Variants in CBR4 observed in about 807,000 individuals in gnomAD.
CBR4 encodes 3-oxoacyl-[acyl-carrier-protein] reductase.
CBR4 carries 22 observed loss-of-function variants against 21.0 expected under a neutral mutation model. The observed-to-expected ratio is 1.05, with a 90% confidence interval of 0.75 to 1.50. CBR4 has a LOEUF of 1.50. CBR4 is among the 40% of genes most tolerant of loss of function. The probability of loss-of-function intolerance (pLI) is 0.00; values close to 1 mark genes in which losing one functional copy is unlikely to be tolerated. For missense variants in CBR4, 302 were observed against 286.3 expected, an observed-to-expected ratio of 1.05 and a Z score of -0.40; for synonymous variants, 100 against 104.4, an observed-to-expected ratio of 0.96 and a Z score of 0.26.
intron 2 of CBR4, among the ~76,000 whole-genome samples, chr4:168,916,684 C>T (rs370469483): frequency 1.1e-4 from 15 of 136,458 alleles, no homozygotes; most frequent in South Asian, 2.3e-4. Context: ...TTTTCTAATT[C>T]TTTTTTTTTT....
intron 2 of CBR4, among the ~76,000 whole-genome samples, chr4:168,932,220 A>G (rs2126656526): frequency 6.6e-6 from 1 of 152,148 alleles, no homozygotes; most frequent in South Asian, 2.1e-4. Flanking sequence ...CATGATTTGA[A>G]TGAGAAATTC....
At chr4:168,904,114 C>T (rs1757122235) in intron 2 of CBR4, 1 of 573,640 alleles carries the variant, frequency 1.7e-6, no homozygotes, top group South Asian at 2.0e-5. Context: ...TGTTATTCTA[C>T]TCCTTCCACA....
intron 2 of CBR4, among the ~76,000 whole-genome samples, chr4:168,919,616 A>G (rs1252868284): frequency 1.3e-5 from 2 of 152,042 alleles, no homozygotes; most frequent in African/African-American, 2.4e-5. Flanking sequence ...AGGGGAAAAA[A>G]TCCTGACGAT....
intron 2 of CBR4, among the ~76,000 whole-genome samples, chr4:168,901,291 C>T (rs1411883937): frequency 6.6e-6 from 1 of 152,070 alleles, no homozygotes; most frequent in Non-Finnish European, 1.5e-5. Context: ...TTATTCCTCC[C>T]TTGACATGCT....
At chr4:169,000,873 G>C (rs1253373476) in intron 4 of CBR4, among the ~76,000 whole-genome samples, 1 of 152,062 alleles carries the variant, frequency 6.6e-6, no homozygotes, top group Non-Finnish European at 1.5e-5. Context: ...GTAAAAATTA[G>C]GAAAATGGGA....
At position 169,006,748 on chromosome 4, in the gene CBR4, G is replaced by A. The variant is rs1160271879; in HGVS notation, c.400+7C>T. The A allele has an allele frequency of 6.2e-7, 1 of 1,610,200 alleles. No individual in the cohort carries two copies. Among genetic ancestry groups the A allele is most frequent in the South Asian group, 1.1e-5 (1 of 90,848 alleles). ...ATAATCATAAATTCACAAAGGTGAAGACTCACCTACATTAACAATAGACCC... is the reference window on the plus strand; with the variant it reads ...ATAATCATAAATTCACAAAGGTGAAAACTCACCTACATTAACAATAGACCC... On this transcript the variant is annotated splice_region_variant and intron_variant, in intron 3 of 4. Transcript: ENST00000306193.
chr4:168,922,969 G>A (rs1761879606), intron 2 of CBR4, among the ~76,000 whole-genome samples: 1 of 152,164 alleles, frequency 6.6e-6, no homozygotes, highest in Admixed American at 6.6e-5. Flanking sequence ...AGCTATCTCT[G>A]CGACTTAGTT....
chr4:168,913,871 G>A, intron 2 of CBR4: 1 of 1,125,194 alleles, frequency 8.9e-7, no homozygotes, highest in South Asian at 1.2e-5. Flanking sequence ...GCATGATAGT[G>A]CTTAGTGGTT....
chr4:168,970,822 T>TA (rs1764183567), intron 2 of CBR4, among the ~76,000 whole-genome samples: 1 of 137,888 alleles, frequency 7.3e-6, no homozygotes, highest in African/African-American at 2.6e-5. Flanking sequence ...TATGGCTGAG[T>TA]AGTAGTCCAT....
intron 2 of CBR4, among the ~76,000 whole-genome samples, chr4:168,961,175 C>T (rs1763840609): frequency 6.6e-6 from 1 of 152,176 alleles, no homozygotes; most frequent in South Asian, 2.1e-4. Context: ...CTGGCACTAA[C>T]TCTGAGACAT....
intron 1 of CBR4, among the ~76,000 whole-genome samples, chr4:169,008,759 G>A (rs2126881409): frequency 6.6e-6 from 1 of 152,230 alleles, no homozygotes; most frequent in East Asian, 1.9e-4. Context: ...GACACAGTAA[G>A]GGTCACCACT....
chr4:169,002,024 TA>T, intron 4 of CBR4, 46 bp downstream of exon 4: 2 of 1,449,024 alleles, frequency 1.4e-6, no homozygotes, highest in Non-Finnish European at 1.9e-6. Flanking sequence ...GGCTTCCCTA[TA>T]AAACAATAAT....
chr4:168,990,337 G>A lies in CBR4; in HGVS notation c.536-9C>T, dbSNP rs1764852479. 1.9e-6 allele frequency: 3 copies of A among 1,576,014 alleles called. No individual in the cohort carries two copies. The East Asian group carries it at 7.0e-5, about 37-fold the overall frequency. ...ATCTGTGTGTACAAATCCTAAAAGA[G>A]AAATGTTTGTTTAGTTGAAAAGGGT... On this transcript the variant is annotated splice_polypyrimidine_tract_variant and intron_variant, in intron 4 of 4. Coordinates refer to ENST00000306193, the MANE Select transcript of CBR4 (RefSeq NM_032783.5).
At position 168,988,794 on chromosome 4, in the gene CBR4, C is replaced by T; in HGVS notation, c.*1356G>A. 1.0e-6 allele frequency: 1 copy of T among 954,472 alleles called. No homozygotes were observed. The highest frequency in any genetic ancestry group is 1.2e-6 in the Non-Finnish European group (1 of 801,806). 59.1% of individuals were successfully genotyped at this position (954,472 alleles called of 1,614,324 possible). A position where few individuals can be genotyped will look rare whatever the true frequency, so the allele number is the denominator to read the frequency against. On this transcript the variant is annotated 3_prime_UTR_variant, in exon 5 of 5. Transcript: ENST00000306193. ...AATTTAAAATAATTTTTAAGGAACC[C>T]AGAATTTTTATTTAGAACACTGCTT...
At chr4:169,009,156 G>A (rs1731175247) in intron 1 of CBR4, 3 of 416,576 alleles carry the variant, frequency 7.2e-6, no homozygotes, top group Admixed American at 6.4e-5. Context: ...GATAGTAAAT[G>A]AAGTATAATT....
intron 2 of CBR4, among the ~76,000 whole-genome samples, chr4:168,975,250 T>C (rs189897201): frequency 6.6e-6 from 1 of 152,352 alleles, no homozygotes; most frequent in Admixed American, 6.5e-5. Flanking sequence ...AGTACTGTGA[T>C]GTGATCCACC....
rs1042551513 is a variant in CBR4, at chr4:168,990,057, T to C, written c.*93A>G. ...CATTTGTAGCATCAGCAGGTTTGATTAGCACATGTTACCCATGTAGGTATA... is the reference window on the plus strand; with the variant it reads ...CATTTGTAGCATCAGCAGGTTTGATCAGCACATGTTACCCATGTAGGTATA... On this transcript the variant is annotated 3_prime_UTR_variant, in exon 5 of 5. Transcript: ENST00000306193. The C allele has an allele frequency of 3.0e-5, 40 of 1,347,830 alleles. No individual in the cohort carries two copies. In the South Asian group the frequency reaches 5.6e-4, roughly 19 times the overall value. The allele number at this position is 1,347,830 out of a possible 1,614,324, so 83.5% of individuals were successfully genotyped here.
intron 2 of CBR4, among the ~76,000 whole-genome samples, chr4:168,978,068 A>G (rs1764425790): frequency 6.6e-6 from 1 of 152,206 alleles, no homozygotes; most frequent in Non-Finnish European, 1.5e-5. Flanking sequence ...TTCTTAGGAT[A>G]AAGTTCAAAA....
chr4:168,921,800 A>AG, intron 2 of CBR4: 1 of 1,303,990 alleles, frequency 7.7e-7, no homozygotes, highest in Non-Finnish European at 1.1e-6. Flanking sequence ...TTACAAATGT[A>AG]AACTAATTCT....
Sources: allele counts gnomAD v4.1 joint callset (sites outside exome capture counted in the v4.1 genomes callset), GRCh38; gene constraint gnomAD v4.1.1; transcripts MANE v1.5; gene names NCBI Gene and HGNC (gene_info 2026-07-23, HGNC 2026-07-21).